CTH: variants seen among roughly 807,000 people sequenced by gnomAD.
CTH encodes cystathionase (cystathionine gamma-lyase).
Under a neutral mutation model 50.6 loss-of-function variants are expected in CTH, and 41 were observed. The ratio of observed to expected loss-of-function variants is 0.81; its 90% CI spans 0.63 to 1.05. CTH has a LOEUF of 1.05. Ranked by LOEUF, CTH falls within the 50% of genes least tolerant of loss-of-function variation. The probability of loss-of-function intolerance (pLI) is 0.00; values close to 1 mark genes in which losing one functional copy is unlikely to be tolerated. For missense variants in CTH, 470 were observed against 492.6 expected (o/e 0.95, Z 0.43); for synonymous variants, 156 against 168.9 (o/e 0.92, Z 0.59).
chr1:70,429,438 G>T lies in CTH; in HGVS notation c.589-356G>T, dbSNP rs144245496. 1.9e-3 allele frequency among the ~76,000 whole-genome samples: 291 copies of T among 152,276 alleles called. 3 individuals carry two copies. The highest frequency in any genetic ancestry group is 6.7e-3 in the African/African-American group (279 of 41,542). On this transcript the variant is annotated intron_variant, in intron 5 of 11. Coordinates refer to ENST00000370938, the MANE Select transcript of CTH (RefSeq NM_001902.6). ...AATGTTCATTTCAACTATTTTATGT[G>T]TTTAATGAGTCATAAAATACTAGAG... is the stretch of plus-strand genomic sequence containing the variant.
At chr1:70,418,740 C>T (rs888992917) in intron 3 of CTH, among the ~76,000 whole-genome samples, 4 of 152,014 alleles carry the variant, frequency 2.6e-5, no homozygotes, top group African/African-American at 9.7e-5. Context: ...CCCACACATC[C>T]CCTTTTGCTT....
At chr1:70,429,687 G>T (rs1443618672) in intron 5 of CTH, 107 bp from the exon 6 acceptor site, 39 of 814,006 alleles carry the variant, frequency 4.8e-5, no homozygotes, top group Non-Finnish European at 1.9e-5. Flanking sequence ...CTTTTGCAAA[G>T]TTAGTATTGA....
At chr1:70,429,672 A>C (rs930890471) in intron 5 of CTH, 122 bp from the exon 6 acceptor site, 1 of 719,342 alleles carries the variant, frequency 1.4e-6, no homozygotes, top group Non-Finnish European at 2.4e-6. Flanking sequence ...TTTAAGATGC[A>C]CATACTTTTG....
At chr1:70,412,205 C>T (rs1482059599) in intron 1 of CTH, among the ~76,000 whole-genome samples, 2 of 152,196 alleles carry the variant, frequency 1.3e-5, no homozygotes, top group Non-Finnish European at 2.9e-5. Flanking sequence ...CTTGAGGTTG[C>T]TTTAGGAACC....
At chr1:70,433,272 G>C (rs940977670) in intron 8 of CTH, among the ~76,000 whole-genome samples, 1 of 152,146 alleles carries the variant, frequency 6.6e-6, no homozygotes, top group African/African-American at 2.4e-5. Flanking sequence ...TGCCCTAAAG[G>C]TACTTTAGGT....
intron 5 of CTH, among the ~76,000 whole-genome samples, chr1:70,429,470 C>T (rs1036836961): frequency 2.0e-5 from 3 of 152,150 alleles, no homozygotes; most frequent in African/African-American, 7.2e-5. Flanking sequence ...AGAGTCTCTA[C>T]TGTAGGTAAT....
intron 10 of CTH, 118 bp from the exon 11 acceptor site, chr1:70,438,570 A>G: frequency 9.4e-7 from 1 of 1,064,888 alleles, no homozygotes; most frequent in African/African-American, 1.6e-5. Flanking sequence ...TTATAGGGGT[A>G]TGCAAAATTT....
chr1:70,437,481 C>G (rs888038822), intron 10 of CTH, among the ~76,000 whole-genome samples: 6 of 152,074 alleles, frequency 3.9e-5, no homozygotes, highest in African/African-American at 1.2e-4. Flanking sequence ...ACAGTAGATG[C>G]ATCTATTATT....
Position 70,432,139 on chromosome 1 carries a change from A to C in CTH, c.781A>C (p.Thr261Pro). ...TTACCTCTGCAATCGAGGTCTGAAG[A>C]CTCTACATGTCCGAATGGAAAAGCA... is the stretch of plus-strand genomic sequence containing the variant. ...DCYLCNRGLK[T>P]LHVRMEKHFK... The change falls in exon 8 of 12, where the codon ACT becomes CCT. Residue 261 changes from threonine (T) to proline (P), a missense_variant. Transcript: ENST00000370938. 6.2e-7 allele frequency: 1 copy of C among 1,614,000 alleles called. No individual in the cohort carries two copies. The highest frequency in any genetic ancestry group is 8.5e-7 in the Non-Finnish European group (1 of 1,179,996).
In CTH at chr1:70,439,462, C is replaced by G. The variant is rs1684673185; in HGVS notation, c.*335C>G. 1 of 232,692 alleles carries G rather than the reference C, an allele frequency of 4.3e-6. No homozygotes were observed. Among genetic ancestry groups the G allele is most frequent in the Non-Finnish European group, 8.4e-6 (1 of 119,168 alleles). 14.4% of individuals were successfully genotyped at this position (232,692 alleles called of 1,614,324 possible). On this transcript the variant is annotated 3_prime_UTR_variant, in exon 12 of 12. Transcript: ENST00000370938. ...TCATGTTTATAATATAATGGTAATT[C>G]ATTTTTGATGTTTTGTGAAGAATTT...
At chr1:70,419,262 C>T (rs879099808) in intron 3 of CTH, among the ~76,000 whole-genome samples, 1 of 151,926 alleles carries the variant, frequency 6.6e-6, no homozygotes, top group South Asian at 2.1e-4. Flanking sequence ...TTTGCTATTG[C>T]GAATAGTGCC....
chr1:70,429,902 T>A, intron 6 of CTH, 51 bp downstream of exon 6: 2 of 1,349,488 alleles, frequency 1.5e-6, no homozygotes, highest in African/African-American at 2.9e-5. Context: ...GAAAATTGCA[T>A]AGGGCTTGGC....
At chr1:70,432,261 A>G (rs1684493662) in intron 8 of CTH, 26 bp downstream of exon 8, 1 of 1,613,108 alleles carries the variant, frequency 6.2e-7, no homozygotes, top group African/African-American at 1.3e-5. Context: ...TTCTAAGCAG[A>G]TCTACTAGGA....
rs1346314312 is a variant in CTH, at chr1:70,416,060, T to A, written c.250+23T>A. 5 of 1,301,494 alleles carry A rather than the reference T, an allele frequency of 3.8e-6. No homozygotes were observed. The Admixed American group carries it at 6.7e-5, about 17-fold the overall frequency. The allele number at this position is 1,301,494 out of a possible 1,614,324, so 80.6% of individuals were successfully genotyped here. On this transcript the variant is annotated intron_variant, in intron 2 of 11. Transcript: ENST00000370938. ...ACTGTAAGTAATTTCCATTTCACAG[T>A]CTAGAATCTATTTTTAAATGTATAG...
intron 10 of CTH, 94 bp from the exon 11 acceptor site, chr1:70,438,594 G>A: frequency 7.0e-7 from 1 of 1,437,074 alleles, no homozygotes; most frequent in Non-Finnish European, 9.8e-7. Flanking sequence ...ATTTGGACCA[G>A]AAAAATGTTG....
chr1:70,433,767 C>G, intron 8 of CTH, 61 bp from the exon 9 acceptor site: 4 of 1,599,754 alleles, frequency 2.5e-6, no homozygotes, highest in Non-Finnish European at 2.6e-6. Flanking sequence ...ATACCACCCT[C>G]CCCCCCCAAA....
At chr1:70,433,708 G>A (rs1258157154) in intron 8 of CTH, 120 bp from the exon 9 acceptor site, 1 of 1,454,066 alleles carries the variant, frequency 6.9e-7, no homozygotes, top group Non-Finnish European at 9.4e-7. Context: ...ATGTGAGCAT[G>A]GCATAATCCT....
chr1:70,420,353 A>C (rs559844119), intron 3 of CTH, among the ~76,000 whole-genome samples: 1 of 152,178 alleles, frequency 6.6e-6, no homozygotes, highest in East Asian at 1.9e-4. Flanking sequence ...TCCAGGATGA[A>C]ACTGTTCCAC....
At chr1:70,421,730 T>A (rs1684226932) in intron 4 of CTH, 55 bp downstream of exon 4, 1 of 1,543,272 alleles carries the variant, frequency 6.5e-7, no homozygotes, top group African/African-American at 1.4e-5. Context: ...TTTGTTTTCA[T>A]CATTTCTGTT....
Sources: allele counts gnomAD v4.1 joint callset (sites outside exome capture counted in the v4.1 genomes callset), GRCh38; gene constraint gnomAD v4.1.1; transcripts MANE v1.5; gene names NCBI Gene and HGNC (gene_info 2026-07-23, HGNC 2026-07-21).